Variants in PIGN observed in about 807,000 individuals in gnomAD.
The protein encoded by PIGN is GPI ethanolamine phosphate transferase 1.
PIGN carries 117 observed loss-of-function variants against 125.4 expected under a neutral mutation model. That is an observed-to-expected ratio of 0.93 (90% CI 0.80 to 1.09). The LOEUF is 1.09. Ranked by LOEUF, PIGN falls within the 50% of genes least tolerant of loss-of-function variation. The probability of loss-of-function intolerance (pLI) is 0.00; values close to 1 mark genes in which losing one functional copy is unlikely to be tolerated. For synonymous variants in PIGN, 392 were observed against 377.8 expected, an observed-to-expected ratio of 1.04 and a Z score of -0.44; for missense variants, 1,075 against 1,094.9, an observed-to-expected ratio of 0.98 and a Z score of 0.26.
chr18:62,148,935 A>G (rs1275657563), intron 7 of PIGN, among the ~76,000 whole-genome samples: 1 of 152,200 alleles, frequency 6.6e-6, no homozygotes. Flanking sequence ...TAAAATTTGA[A>G]GATTATTATG....
downstream of PIGN, among the ~76,000 whole-genome samples, chr18:62,040,664 T>A (rs1205250459): frequency 6.6e-6 from 1 of 152,182 alleles, no homozygotes; most frequent in Non-Finnish European, 1.5e-5. Flanking sequence ...TAAGCAAACA[T>A]GTATCAGGCA....
chr18:62,147,347 A>C (rs1021701872), intron 8 of PIGN, among the ~76,000 whole-genome samples: 5 of 152,212 alleles, frequency 3.3e-5, no homozygotes, highest in Non-Finnish European at 7.4e-5. Context: ...ATATATTTTA[A>C]TAAACCCTTT....
intron 8 of PIGN, 123 bp from the exon 9 acceptor site, chr18:62,147,224 T>C: frequency 8.0e-7 from 1 of 1,246,900 alleles, no homozygotes; most frequent in Non-Finnish European, 1.1e-6. Flanking sequence ...ATCTTTAATA[T>C]TTTAAAATCA....
chr18:62,074,483 T>C (rs1312801647), intron 29 of PIGN, among the ~76,000 whole-genome samples: 10 of 152,198 alleles, frequency 6.6e-5, no homozygotes, highest in Admixed American at 5.2e-4. Context: ...TGATGTATTA[T>C]CTAAATTTAA....
At chr18:62,111,497 C>T (rs993807093) in intron 16 of PIGN, among the ~76,000 whole-genome samples, 1 of 151,900 alleles carries the variant, frequency 6.6e-6, no homozygotes, top group Non-Finnish European at 1.5e-5. Context: ...TTTTATTATC[C>T]CAAACACTTT....
intron 1 of PIGN, among the ~76,000 whole-genome samples, chr18:62,169,900 G>A (rs1198021274): frequency 1.3e-5 from 2 of 152,220 alleles, no homozygotes; most frequent in African/African-American, 2.4e-5. Flanking sequence ...TGGGATTACA[G>A]GTGTAAGCCA....
intron 30 of PIGN, among the ~76,000 whole-genome samples, chr18:62,054,879 A>G (rs2031603849): frequency 6.6e-6 from 1 of 152,228 alleles, no homozygotes. Flanking sequence ...TCAATTAGAA[A>G]ATGATCAAAA....
At position 62,145,389 on chromosome 18, in the gene PIGN, A is replaced by T. The variant is rs147522191; in HGVS notation, c.922+520T>A. ...AAAAATGCACCATTACTTACTGAAG[A>T]CATGCTGTTGAGTGCATTATTCACT... On this transcript the variant is annotated intron_variant, in intron 10 of 30. Coordinates refer to ENST00000640252, the MANE Select transcript of PIGN (RefSeq NM_176787.5). Among the ~76,000 whole-genome samples the T allele has an allele frequency of 4.0e-3, 610 of 152,262 alleles. 5 individuals are homozygous for T. The highest frequency in any genetic ancestry group is 0.014 in the African/African-American group (574 of 41,552).
At chr18:62,099,927 C>A (rs2034368756) in intron 22 of PIGN, among the ~76,000 whole-genome samples, 1 of 151,978 alleles carries the variant, frequency 6.6e-6, no homozygotes, top group African/African-American at 2.4e-5. Context: ...TGGGTAAGAC[C>A]TCAAAAGCAC....
intron 28 of PIGN, 47 bp downstream of exon 28, chr18:62,082,626 T>G (rs1204610805): frequency 2.1e-6 from 2 of 967,540 alleles, no homozygotes; most frequent in Non-Finnish European, 3.2e-6. Flanking sequence ...TACTCTCATC[T>G]CCTAAAAATA....
At chr18:62,172,844 T>A (rs941413967) in intron 1 of PIGN, among the ~76,000 whole-genome samples, 1 of 152,178 alleles carries the variant, frequency 6.6e-6, no homozygotes, top group African/African-American at 2.4e-5. Flanking sequence ...TGTTACATAA[T>A]AAGAGTGGAT....
intron 14 of PIGN, among the ~76,000 whole-genome samples, chr18:62,123,961 G>C (rs997199613): frequency 6.6e-6 from 1 of 151,606 alleles, no homozygotes; most frequent in Non-Finnish European, 1.5e-5. Flanking sequence ...GTATAGAAAA[G>C]GTTTCTCAAA....
intron 1 of PIGN, among the ~76,000 whole-genome samples, chr18:62,185,406 T>C (rs1311971255): frequency 6.6e-6 from 1 of 152,210 alleles, no homozygotes; most frequent in Non-Finnish European, 1.5e-5. Context: ...GTTTAAATTC[T>C]TGGTACTTTT....
Position 62,161,125 on chromosome 18 carries a change from A to G in PIGN, c.221+8T>C. Reference sequence around the variant, plus strand: ...AAGAGATGTCTCTGTATCAGTTTACATGCTTACCTAATAAACGGTGCTCTA... The same window carrying G: ...AAGAGATGTCTCTGTATCAGTTTACGTGCTTACCTAATAAACGGTGCTCTA... On this transcript the variant is annotated splice_region_variant and intron_variant, in intron 4 of 30. Coordinates refer to ENST00000640252, the MANE Select transcript of PIGN (RefSeq NM_176787.5). 1 of 1,568,892 alleles carries G rather than the reference A, an allele frequency of 6.4e-7. No homozygotes were observed. The highest frequency in any genetic ancestry group is 8.8e-7 in the Non-Finnish European group (1 of 1,140,474).
intron 10 of PIGN, among the ~76,000 whole-genome samples, chr18:62,145,562 T>A: frequency 6.6e-6 from 1 of 152,232 alleles, no homozygotes; most frequent in South Asian, 2.1e-4. Flanking sequence ...AAAAACTGAT[T>A]ATTTACCTCT....
chr18:62,179,970 T>A (rs2147962639), intron 1 of PIGN, among the ~76,000 whole-genome samples: 1 of 152,314 alleles, frequency 6.6e-6, no homozygotes, highest in South Asian at 2.1e-4. Context: ...TATATTCTAT[T>A]ATATGACTCT....
At chr18:62,023,506 T>C (rs1013624197) in intron 23 of PIGN, among the ~76,000 whole-genome samples, 1 of 152,234 alleles carries the variant, frequency 6.6e-6, no homozygotes, top group African/African-American at 2.4e-5. Context: ...TCCTCATTTC[T>C]GTCAATAAAT....
chr18:62,018,287 G>T (rs56832061), intron 23 of PIGN, among the ~76,000 whole-genome samples: 21,994 of 152,240 alleles, frequency 0.14, 1,869 homozygotes, highest in South Asian at 0.23. Flanking sequence ...TCAAGTTGAA[G>T]AATTAAATAG....
chr18:62,138,339 A>T (rs1406119140), intron 13 of PIGN, 41 bp from the exon 14 acceptor site: 2 of 1,510,700 alleles, frequency 1.3e-6, no homozygotes, highest in African/African-American at 2.8e-5. Flanking sequence ...GAGAAAAATA[A>T]TGAATTCCAT....
Sources: allele counts gnomAD v4.1 joint callset (sites outside exome capture counted in the v4.1 genomes callset), GRCh38; gene constraint gnomAD v4.1.1; transcripts MANE v1.5; gene names NCBI Gene and HGNC (gene_info 2026-07-23, HGNC 2026-07-21).